Variants in SCIN observed in about 807,000 individuals in gnomAD.
The protein encoded by SCIN is adseverin.
Under a neutral mutation model 91.8 loss-of-function variants are expected in SCIN, and 91 were observed. That is an observed-to-expected ratio of 0.99 (90% CI 0.84 to 1.18). SCIN has a LOEUF of 1.18. Ranked by LOEUF, SCIN falls within the 50% of genes most tolerant of loss-of-function variation. SCIN has a pLI of 0.00. For missense variants in SCIN, 1,087 were observed against 863.9 expected (o/e 1.26, Z -3.24); for synonymous variants, 367 against 312.6 (o/e 1.17, Z -1.84).
intron 11 of SCIN, among the ~76,000 whole-genome samples, chr7:12,641,991 A>C (rs896013826): frequency 6.6e-6 from 1 of 151,746 alleles, no homozygotes; most frequent in Non-Finnish European, 1.5e-5. Context: ...TCAAATTTTT[A>C]TTTATTTTTT....
intron 1 of SCIN, 28 bp downstream of exon 1, chr7:12,571,013 G>A (rs971310922): frequency 1.9e-6 from 3 of 1,539,678 alleles, no homozygotes; most frequent in African/African-American, 2.7e-5. Flanking sequence ...GCGGGACCCC[G>A]ACGCACCAAG....
At chr7:12,633,999 T>A (rs906597602) in intron 9 of SCIN, among the ~76,000 whole-genome samples, 1 of 152,000 alleles carries the variant, frequency 6.6e-6, no homozygotes, top group African/African-American at 2.4e-5. Context: ...TGTAGAACAT[T>A]TTTACATCAA....
chr7:12,595,790 C>G (rs1322734542), intron 3 of SCIN: 1 of 152,092 alleles, frequency 6.6e-6, no homozygotes, highest in African/African-American at 2.4e-5. Context: ...CTCCAGGATA[C>G]CATAACATAA....
At chr7:12,624,491 A>C (rs1041720478) in intron 5 of SCIN, among the ~76,000 whole-genome samples, 1 of 152,188 alleles carries the variant, frequency 6.6e-6, no homozygotes, top group Non-Finnish European at 1.5e-5. Flanking sequence ...AACTATATCA[A>C]TATCCTCCTT....
At chr7:12,591,906 C>T (rs372539318) in intron 3 of SCIN, among the ~76,000 whole-genome samples, 2 of 152,076 alleles carry the variant, frequency 1.3e-5, no homozygotes, top group East Asian at 1.9e-4. Flanking sequence ...CCTTTGATAG[C>T]GAGAAAGTTT....
At chr7:12,650,895 T>A (rs1204183665) in intron 14 of SCIN, among the ~76,000 whole-genome samples, 1 of 152,202 alleles carries the variant, frequency 6.6e-6, no homozygotes, top group African/African-American at 2.4e-5. Flanking sequence ...AGACAAGCTC[T>A]ACACGTGGTC....
intron 2 of SCIN, among the ~76,000 whole-genome samples, chr7:12,580,849 CAG>C (rs1782473100): frequency 6.6e-6 from 1 of 152,178 alleles, no homozygotes; most frequent in South Asian, 2.1e-4. Context: ...ATGGTTAAAA[CAG>C]AAAGAATAAA....
chr7:12,603,091 G>A (rs973746099), intron 3 of SCIN, among the ~76,000 whole-genome samples: 3 of 151,972 alleles, frequency 2.0e-5, no homozygotes, highest in East Asian at 1.9e-4. Flanking sequence ...TCCCATGTTC[G>A]AATATTTCTG....
chr7:12,649,705 T>TA (rs1202713313), intron 14 of SCIN, among the ~76,000 whole-genome samples, 161 bp downstream of exon 14: 5 of 152,330 alleles, frequency 3.3e-5, no homozygotes, highest in Admixed American at 6.5e-5. Context: ...AACTAACACA[T>TA]ATGGCAAGTT....
chr7:12,597,859 T>G (rs1782874890), intron 3 of SCIN, among the ~76,000 whole-genome samples: 1 of 152,252 alleles, frequency 6.6e-6, no homozygotes, highest in African/African-American at 2.4e-5. Context: ...TTTCACAAAC[T>G]TCTGCTAGAG....
intron 13 of SCIN, among the ~76,000 whole-genome samples, chr7:12,646,652 A>C (rs1783972194): frequency 6.6e-6 from 1 of 152,204 alleles, no homozygotes; most frequent in Admixed American, 6.5e-5. Context: ...TGACGTGCTA[A>C]GTTTTTGGTA....
intron 3 of SCIN, among the ~76,000 whole-genome samples, chr7:12,590,572 AG>A (rs1411290153): frequency 6.6e-6 from 1 of 151,048 alleles, no homozygotes; most frequent in African/African-American, 2.4e-5. Flanking sequence ...CCTTGAAAGG[AG>A]GCTGCTTGCT....
chr7:12,626,295 A>T, intron 7 of SCIN: 1 of 398,394 alleles, frequency 2.5e-6, no homozygotes, highest in South Asian at 3.4e-5. Context: ...CACAAGGAAC[A>T]CAATGAGATC....
chr7:12,648,295 CT>C (rs35618552), intron 13 of SCIN, among the ~76,000 whole-genome samples: 171 of 133,604 alleles, frequency 1.3e-3, no homozygotes, highest in African/African-American at 2.4e-3. Context: ...CTCTCTCTCT[CT>C]TTTTTTTTTT....
rs1006578252 is a variant in SCIN, at chr7:12,656,858, G to C, written c.*4143G>C. ...GAATCGCTTGAACCCGGGAGGCGGAGGTTGGAGCGAAAGTACGCGCCACTG... is the reference window on the plus strand; with the variant it reads ...GAATCGCTTGAACCCGGGAGGCGGACGTTGGAGCGAAAGTACGCGCCACTG... On this transcript the variant is annotated 3_prime_UTR_variant, in exon 16 of 16. Coordinates refer to ENST00000297029, the MANE Select transcript of SCIN (RefSeq NM_001112706.3). 1 of 151,952 alleles carries C rather than the reference G, an allele frequency of 6.6e-6. No individual in the cohort carries two copies. The highest frequency in any genetic ancestry group is 2.1e-4 in the South Asian group (1 of 4,822). The allele number at this position is 151,952 out of a possible 1,614,324, so 9.4% of individuals were successfully genotyped here.
chr7:12,610,478 T>A (rs143098310), intron 4 of SCIN, among the ~76,000 whole-genome samples: 1 of 152,236 alleles, frequency 6.6e-6, no homozygotes, highest in Admixed American at 6.5e-5. Flanking sequence ...ACTGCCTTTA[T>A]ATTTGTGTAG....
At chr7:12,635,983 C>A (rs1043306873) in intron 9 of SCIN, 62 bp from the exon 10 acceptor site, 4 of 1,175,238 alleles carry the variant, frequency 3.4e-6, no homozygotes, top group Non-Finnish European at 5.0e-6. Context: ...GCTTGCAATG[C>A]CTACATGTGA....
chr7:12,592,347 TA>T (rs921597580), intron 3 of SCIN, among the ~76,000 whole-genome samples: 2 of 152,020 alleles, frequency 1.3e-5, no homozygotes, highest in African/African-American at 2.4e-5. Flanking sequence ...ACAGGGAGGA[TA>T]GGGGTGTTAT....
chr7:12,625,762 G>T lies in SCIN; in HGVS notation c.893G>T (p.Gly298Val). 6.3e-7 allele frequency: 1 copy of T among 1,598,706 alleles called. No homozygotes were observed. The highest frequency in any genetic ancestry group is 1.3e-5 in the African/African-American group (1 of 74,346). ...GAAKQIFVWK[G>V]KDANPQERKA... is the part of the protein sequence containing the mutation. ...CTCTTTAATTTACCTTGTATTTTAG[G>T]TAAAGATGCTAATCCCCAAGAGAGG... The change falls in exon 7 of 16, where the codon GGT (glycine) becomes GTT (valine). Residue 298 changes from glycine to valine, a missense_variant and splice_region_variant. By Grantham distance (109) the Gly-to-Val change is moderately radical (BLOSUM62 -3). Coordinates refer to ENST00000297029, the MANE Select transcript of SCIN (RefSeq NM_001112706.3).
Sources: gnomAD v4.1 joint callset for allele counts (sites outside exome capture counted in the v4.1 genomes callset) on GRCh38, gnomAD v4.1.1 for gene constraint, MANE v1.5 for transcripts, NCBI Gene and HGNC (gene_info 2026-07-23, HGNC 2026-07-21) for gene names.